Variants in TLE4 observed in about 807,000 individuals in gnomAD.
TLE4 encodes the protein TLE family member 4, transcriptional corepressor.
Under a neutral mutation model 92.8 loss-of-function variants are expected in TLE4, and 8 were observed. That is an observed-to-expected ratio of 0.09 (90% CI 0.05 to 0.16). The LOEUF (loss-of-function observed/expected upper bound fraction) is 0.16. TLE4 is among the 10% of genes least tolerant of loss of function. TLE4 has a pLI of 1.00. For missense variants in TLE4, 675 were observed against 997.6 expected, an observed-to-expected ratio of 0.68 and a Z score of 4.36; for synonymous variants, 371 against 374.1, an observed-to-expected ratio of 0.99 and a Z score of 0.10.
intron 8 of TLE4, among the ~76,000 whole-genome samples, chr9:79,687,910 G>A (rs761209199): frequency 6.6e-5 from 10 of 152,188 alleles, no homozygotes; most frequent in Non-Finnish European, 1.3e-4. Context: ...AAAAGCACAC[G>A]ATTCAGTAGG....
intron 4 of TLE4, among the ~76,000 whole-genome samples, chr9:79,589,192 C>T (rs901891263): frequency 6.6e-6 from 1 of 152,032 alleles, no homozygotes; most frequent in Non-Finnish European, 1.5e-5. Context: ...TTTTATGGCC[C>T]GGAGAGTTAT....
intron 19 of TLE4, among the ~76,000 whole-genome samples, 156 bp from the exon 20 acceptor site, chr9:79,724,881 A>AAAAT (rs71364489): frequency 2.0e-5 from 3 of 147,944 alleles, no homozygotes; most frequent in Non-Finnish European, 4.5e-5. Flanking sequence ...AAAAAAAAAA[A>AAAAT]GCAGCAGTAC....
chr9:79,652,889 T>G (rs1176680149), intron 7 of TLE4, 95 bp downstream of exon 7: 1 of 1,312,412 alleles, frequency 7.6e-7, no homozygotes, highest in African/African-American at 1.4e-5. Flanking sequence ...GAATTTAGTT[T>G]TACCAGTGAC....
intron 4 of TLE4, among the ~76,000 whole-genome samples, chr9:79,598,329 T>C (rs998204724): frequency 6.6e-6 from 1 of 151,906 alleles, no homozygotes; most frequent in Admixed American, 6.6e-5. Context: ...TGGATAGTGA[T>C]AATTCTGGTC....
chr9:79,593,488 CTA>C (rs1349059791), intron 4 of TLE4, among the ~76,000 whole-genome samples: 1 of 152,146 alleles, frequency 6.6e-6, no homozygotes, highest in Non-Finnish European at 1.5e-5. Context: ...CTTGGAAACT[CTA>C]AACAGTCAGA....
chr9:79,626,981 A>T (rs910167017), intron 5 of TLE4, among the ~76,000 whole-genome samples: 1 of 152,238 alleles, frequency 6.6e-6, no homozygotes, highest in African/African-American at 2.4e-5. Context: ...AACAATTTTT[A>T]AAAATTTTAA....
Position 79,612,667 on chromosome 9 carries a change from C to A in TLE4, c.264C>A (p.Val88=). The change falls in exon 5 of 20, where the codon GTC becomes GTA. Residue 88 remains valine (V), a synonymous_variant. Transcript: ENST00000376552. ...CTTATTTTTTGCAGGCAGAGATTGT[C>A]AAGAGGCTGAATGCTATCTGTGCAC... The part of the protein sequence containing the change: ...NIEMHKQAEI[V]KRLNAICAQV... 6.2e-7 allele frequency: 1 copy of A among 1,613,050 alleles called. No individual in the cohort carries two copies. The highest frequency in any genetic ancestry group is 1.1e-5 in the South Asian group (1 of 91,056).
intron 4 of TLE4, among the ~76,000 whole-genome samples, chr9:79,578,076 T>G (rs762219115): frequency 3.3e-5 from 5 of 152,122 alleles, no homozygotes; most frequent in Non-Finnish European, 7.4e-5. Context: ...ACCACCTACT[T>G]ATTATATTTT....
chr9:79,708,191 G>A lies in TLE4; in HGVS notation c.1010G>A (p.Ser337Asn). The A allele has an allele frequency of 6.2e-7, 1 of 1,614,182 alleles. No homozygotes were observed. The highest frequency in any genetic ancestry group is 8.5e-7 in the Non-Finnish European group (1 of 1,180,008). The change falls in exon 12 of 20, where the codon AGT (serine) becomes AAT (asparagine). Residue 337 changes from serine to asparagine, a missense_variant. Ser to Asn is a conservative substitution (Grantham distance 46). Around this residue, in one of 5 missense-constraint regions of TLE4, gnomAD observed 280 missense variants for 287.3 expected, o/e 0.97. Coordinates refer to ENST00000376552, the MANE Select transcript of TLE4 (RefSeq NM_007005.6). ...TPRTDAPTPG[S>N]NSTPGLRPVP... ...CGAACTGATGCGCCCACCCCAGGCA[G>A]TAACTCTACTCCCGGATTGAGGCCT... is the stretch of plus-strand genomic sequence containing the variant.
At chr9:79,678,424 A>T (rs2063701623) in intron 8 of TLE4, among the ~76,000 whole-genome samples, 1 of 151,588 alleles carries the variant, frequency 6.6e-6, no homozygotes, top group Non-Finnish European at 1.5e-5. Flanking sequence ...CTTTTTTTTT[A>T]AATCAGAGAA....
chr9:79,580,222 A>G (rs182242466), intron 4 of TLE4: 1 of 152,346 alleles, frequency 6.6e-6, no homozygotes, highest in African/African-American at 2.4e-5. Context: ...ATCGGCATCT[A>G]CTTCATCTGC....
intron 4 of TLE4, among the ~76,000 whole-genome samples, chr9:79,581,236 G>T (rs914488163): frequency 2.6e-5 from 4 of 152,118 alleles, no homozygotes; most frequent in African/African-American, 9.7e-5. Context: ...CCTTCAGAAG[G>T]TCTAGTATTA....
At chr9:79,656,023 A>G (rs1216450570) in intron 8 of TLE4, among the ~76,000 whole-genome samples, 1 of 152,224 alleles carries the variant, frequency 6.6e-6, no homozygotes, top group Non-Finnish European at 1.5e-5. Flanking sequence ...GAAAAACAAG[A>G]AAGGCTGATG....
At position 79,721,847 on chromosome 9, in the gene TLE4, C is replaced by T. The variant is rs776972572; in HGVS notation, c.1945C>T (p.Arg649Cys). 6.8e-6 allele frequency: 11 copies of T among 1,613,534 alleles called. No homozygotes were observed. The highest frequency in any genetic ancestry group is 3.3e-5 in the South Asian group (3 of 90,970). The part of the protein sequence containing the change: ...LDNTVRSWDL[R>C]EGRQLQQHDF... The stretch of plus-strand genomic sequence containing the variant: ...CAACACGGTCAGGTCCTGGGACCTG[C>T]GCGAGGGGCGGCAGCTGCAGCAGCA... The change falls in exon 17 of 20, where the codon CGC becomes TGC. Residue 649 changes from arginine (R) to cysteine (C), a missense_variant. Coordinates refer to ENST00000376552, the MANE Select transcript of TLE4 (RefSeq NM_007005.6).
At chr9:79,589,859 C>T (rs1161986365) in intron 4 of TLE4, among the ~76,000 whole-genome samples, 3 of 152,076 alleles carry the variant, frequency 2.0e-5, no homozygotes, top group African/African-American at 7.2e-5. Flanking sequence ...GCAAAGTAGC[C>T]CTTCTGCTCT....
At chr9:79,622,543 T>C (rs1207302146) in intron 5 of TLE4, among the ~76,000 whole-genome samples, 3 of 152,168 alleles carry the variant, frequency 2.0e-5, no homozygotes, top group African/African-American at 7.2e-5. Context: ...TGATAAATGA[T>C]TGGGTAGCAT....
chr9:79,683,817 T>TGCTCATTAACA (rs998547163), intron 8 of TLE4, among the ~76,000 whole-genome samples: 8 of 152,234 alleles, frequency 5.3e-5, no homozygotes, highest in Non-Finnish European at 1.2e-4. Flanking sequence ...GAGTTCTGTT[T>TGCTCATTAACA]GCTCATTAAC....
At chr9:79,587,521 T>C (rs952194748) in intron 4 of TLE4, among the ~76,000 whole-genome samples, 76 of 152,266 alleles carry the variant, frequency 5.0e-4, no homozygotes, top group Non-Finnish European at 6.9e-4. Flanking sequence ...TGCTCGGTAC[T>C]ATAGGCATGC....
intron 8 of TLE4, among the ~76,000 whole-genome samples, chr9:79,655,015 G>A (rs982157125): frequency 2.0e-5 from 3 of 152,130 alleles, no homozygotes; most frequent in Admixed American, 6.5e-5. Flanking sequence ...AGTGGCTTGC[G>A]CCTGTAGCCC....
Sources: allele counts gnomAD v4.1 joint callset (sites outside exome capture counted in the v4.1 genomes callset), GRCh38; gene constraint gnomAD v4.1.1; regional missense constraint gnomAD v4.1.1; transcripts MANE v1.5; gene names NCBI Gene and HGNC (gene_info 2026-07-23, HGNC 2026-07-21).